Variants in LHFPL6 observed in about 807,000 individuals in gnomAD.
LHFPL6 encodes the protein LHFPL tetraspan subfamily member 6.
A neutral mutation model predicts 20.6 loss-of-function variants in LHFPL6; 9 were observed. That is an observed-to-expected ratio of 0.44 (90% confidence interval 0.26 to 0.76). LHFPL6 has a LOEUF of 0.76. Among genes scored for constraint, LHFPL6 ranks in the 30% least tolerant of loss-of-function variants. The pLI is 0.20. For synonymous variants in LHFPL6, 105 were observed against 98.7 expected (o/e 1.06, Z -0.38); for missense variants, 218 against 253.5 (o/e 0.86, Z 0.95).
At chr13:39,590,126 T>G (rs1292119799) in intron 2 of LHFPL6, among the ~76,000 whole-genome samples, 1 of 152,140 alleles carries the variant, frequency 6.6e-6, no homozygotes, top group Non-Finnish European at 1.5e-5. Context: ...TGGGATAACT[T>G]TGGTTTTCAT....
intron 1 of LHFPL6, 32 bp from the exon 2 acceptor site, chr13:39,601,422 A>C: frequency 2.1e-6 from 1 of 474,068 alleles, no homozygotes. Flanking sequence ...TTAAAAATTA[A>C]AGGCATTAAA....
chr13:39,492,757 C>T lies in LHFPL6; in HGVS notation c.385+108075G>A, dbSNP rs570574403. On this transcript the variant is annotated intron_variant, in intron 2 of 3. Transcript: ENST00000379589. ...TCAGCTCACTGCAACCTCCGCTTAC[C>T]TCAACCTCTGCCTCCTGGGTTCAAG... 1.9e-4 allele frequency among the ~76,000 whole-genome samples: 29 copies of T among 152,100 alleles called. 1 individual carries two copies. The South Asian group carries it at 6.0e-3, about 32-fold the overall frequency.
chr13:39,428,173 C>T (rs77402717), intron 2 of LHFPL6, among the ~76,000 whole-genome samples: 4,296 of 152,264 alleles, frequency 0.028, 176 homozygotes, highest in African/African-American at 0.091. Context: ...AATGAACTAA[C>T]ACAGCTTCAT....
At chr13:39,427,331 G>A (rs542453119) in intron 2 of LHFPL6, among the ~76,000 whole-genome samples, 104 of 152,208 alleles carry the variant, frequency 6.8e-4, no homozygotes, top group Non-Finnish European at 1.4e-3. Context: ...ATGAAAGATA[G>A]AGAGGACATC....
At chr13:39,543,220 C>T (rs1404961402) in intron 2 of LHFPL6, among the ~76,000 whole-genome samples, 1 of 152,190 alleles carries the variant, frequency 6.6e-6, no homozygotes, top group East Asian at 1.9e-4. Flanking sequence ...AAATATTCCA[C>T]TGTATGTATA....
chr13:39,535,284 T>C (rs1169557151), intron 2 of LHFPL6, among the ~76,000 whole-genome samples: 2 of 152,234 alleles, frequency 1.3e-5, no homozygotes, highest in African/African-American at 4.8e-5. Context: ...ATTCAACCTA[T>C]AACACTAACA....
chr13:39,415,541 A>G (rs1172955014), intron 2 of LHFPL6, among the ~76,000 whole-genome samples: 1 of 151,972 alleles, frequency 6.6e-6, no homozygotes, highest in Non-Finnish European at 1.5e-5. Flanking sequence ...CTGAAGAAAC[A>G]CTTAAGTCCT....
chr13:39,525,055 A>C (rs1870244352), intron 2 of LHFPL6, among the ~76,000 whole-genome samples: 1 of 152,242 alleles, frequency 6.6e-6, no homozygotes. Context: ...CTGGCAGAAA[A>C]AGAAAAATGT....
chr13:39,432,833 A>C (rs1871852421), intron 2 of LHFPL6, among the ~76,000 whole-genome samples: 1 of 152,220 alleles, frequency 6.6e-6, no homozygotes, highest in African/African-American at 2.4e-5. Flanking sequence ...AGTAGCCAAT[A>C]CATGGTCATT....
intron 2 of LHFPL6, among the ~76,000 whole-genome samples, chr13:39,426,377 C>T (rs574727840): frequency 7.9e-5 from 12 of 152,130 alleles, no homozygotes; most frequent in African/African-American, 2.2e-4. Context: ...TGTGCCACCA[C>T]GCTTGGCTAA....
chr13:39,374,386 G>C (rs779204973), intron 3 of LHFPL6, among the ~76,000 whole-genome samples: 1 of 152,102 alleles, frequency 6.6e-6, no homozygotes, highest in Non-Finnish European at 1.5e-5. Flanking sequence ...ACTATGAGGG[G>C]AGGGACGGAG....
chr13:39,526,673 A>G (rs1345417204), intron 2 of LHFPL6, among the ~76,000 whole-genome samples: 2 of 152,332 alleles, frequency 1.3e-5, no homozygotes, highest in South Asian at 2.1e-4. Context: ...AGACTAGAAC[A>G]GCATCTCCTG....
intron 2 of LHFPL6, among the ~76,000 whole-genome samples, chr13:39,382,963 C>T (rs950948693): frequency 5.3e-5 from 8 of 152,182 alleles, no homozygotes; most frequent in East Asian, 3.9e-4. Flanking sequence ...CGTTACAAAC[C>T]GTATGATCAG....
At chr13:39,398,951 C>G (rs73456935) in intron 2 of LHFPL6, among the ~76,000 whole-genome samples, 5,568 of 152,286 alleles carry the variant, frequency 0.037, 380 homozygotes, top group African/African-American at 0.13. Flanking sequence ...CTCCACAAAA[C>G]AGGTCCCTGG....
chr13:39,585,599 G>A (rs886188869), intron 2 of LHFPL6, among the ~76,000 whole-genome samples: 1 of 152,118 alleles, frequency 6.6e-6, no homozygotes, highest in African/African-American at 2.4e-5. Flanking sequence ...TGGTAAACAG[G>A]TTGATAAATA....
In LHFPL6 at chr13:39,555,074, C is replaced by T. The variant is rs528824079; in HGVS notation, c.385+45758G>A. The stretch of plus-strand genomic sequence containing the variant: ...CTCCATTATCAAAAATAAAAGATTA[C>T]GAACAAGGCCAAGTAAGCTTTTGGC... On this transcript the variant is annotated intron_variant, in intron 2 of 3. Coordinates refer to ENST00000379589, the MANE Select transcript of LHFPL6 (RefSeq NM_005780.3). Among the ~76,000 whole-genome samples, 5 of 152,230 alleles carry T rather than the reference C, an allele frequency of 3.3e-5. No homozygotes were observed. The South Asian group carries it at 8.3e-4, about 25-fold the overall frequency.
chr13:39,419,761 C>T (rs955143788), intron 2 of LHFPL6, among the ~76,000 whole-genome samples: 1 of 152,048 alleles, frequency 6.6e-6, no homozygotes, highest in Admixed American at 6.6e-5. Context: ...ATCATATTCT[C>T]CTGCTTGCAA....
intron 2 of LHFPL6, among the ~76,000 whole-genome samples, chr13:39,497,279 T>C (rs1404610559): frequency 1.3e-5 from 2 of 152,202 alleles, no homozygotes; most frequent in African/African-American, 4.8e-5. Flanking sequence ...CTTACCGGCA[T>C]TGACTTTGAA....
At chr13:39,436,182 A>G (rs757862203) in intron 2 of LHFPL6, among the ~76,000 whole-genome samples, 5 of 152,128 alleles carry the variant, frequency 3.3e-5, no homozygotes, top group Non-Finnish European at 5.9e-5. Context: ...CCAGTAATAT[A>G]AGAAAATTTT....
Sources: gnomAD v4.1 joint callset for allele counts (sites outside exome capture counted in the v4.1 genomes callset) on GRCh38, gnomAD v4.1.1 for gene constraint, MANE v1.5 for transcripts, NCBI Gene and HGNC (gene_info 2026-07-23, HGNC 2026-07-21) for gene names.